Variants in KIRREL3 observed in about 807,000 individuals in gnomAD.
KIRREL3 encodes the protein kirre like nephrin family adhesion molecule 3, also known as kin of IRRE-like protein 3.
In KIRREL3, 36 loss-of-function variants were observed where a neutral mutation model predicts 89.7. The ratio of observed to expected loss-of-function variants is 0.40; its 90% CI spans 0.31 to 0.53. KIRREL3 has a LOEUF of 0.53. Ranked by LOEUF, KIRREL3 falls within the 20% of genes least tolerant of loss-of-function variation. KIRREL3 has a pLI of 0.49. For missense variants in KIRREL3, 864 were observed against 1,056.6 expected (o/e 0.82, Z 2.53); for synonymous variants, 445 against 441.4 (o/e 1.01, Z -0.10).
At chr11:126,450,932 TG>T (rs1363705031) in intron 7 of KIRREL3, among the ~76,000 whole-genome samples, 1 of 150,014 alleles carries the variant, frequency 6.7e-6, no homozygotes, top group Non-Finnish European at 1.5e-5. Context: ...CATGTGTGCA[TG>T]TGTGTGGGCG....
chr11:126,981,940 T>C lies in KIRREL3; in HGVS notation c.55+18515A>G, dbSNP rs777925058. On this transcript the variant is annotated intron_variant, in intron 1 of 16. Transcript: ENST00000525144. This position sits in a 1 kb window ranked among gnomAD's most constrained non-coding sequence, Gnocchi z 4.2. ...CTATTCAAGTCATTTCAATTTGAAT[T>C]CTATGCATATTATCAGATAGAACAA... Among the ~76,000 whole-genome samples the C allele has an allele frequency of 6.6e-6, 1 of 152,234 alleles. No individual in the cohort carries two copies. Among genetic ancestry groups the C allele is most frequent in the Non-Finnish European group, 1.5e-5 (1 of 68,048 alleles).
chr11:126,688,830 T>C (rs1565651499), intron 1 of KIRREL3, among the ~76,000 whole-genome samples: 1 of 152,170 alleles, frequency 6.6e-6, no homozygotes, highest in East Asian at 1.9e-4. Context: ...GATGACATGA[T>C]AGCTGTCACA....
At chr11:126,850,521 C>CCAAA (rs1224205644) in intron 1 of KIRREL3, among the ~76,000 whole-genome samples, 2 of 152,202 alleles carry the variant, frequency 1.3e-5, no homozygotes, top group African/African-American at 4.8e-5. Context: ...CCTCCTCTAT[C>CCAAA]CAAACTGCTG....
chr11:126,597,753 G>A (rs907202313), intron 1 of KIRREL3, among the ~76,000 whole-genome samples: 1 of 152,182 alleles, frequency 6.6e-6, no homozygotes, highest in African/African-American at 2.4e-5. Flanking sequence ...TGATAGCAAT[G>A]GGGCAGAATG....
At chr11:126,478,609 GTA>G (rs918878405) in intron 4 of KIRREL3, among the ~76,000 whole-genome samples, 7 of 145,248 alleles carry the variant, frequency 4.8e-5, no homozygotes, top group Admixed American at 7.5e-5. Flanking sequence ...GTATATGCAT[GTA>G]TATGTGTGTA....
At chr11:126,854,641 T>C (rs1944450340) in intron 1 of KIRREL3, among the ~76,000 whole-genome samples, 1 of 152,244 alleles carries the variant, frequency 6.6e-6, no homozygotes, top group Non-Finnish European at 1.5e-5. Context: ...ATGATCCGGT[T>C]GCTTCCACCA....
Position 126,424,776 on chromosome 11 carries a change from C to A in KIRREL3, c.2141G>T (p.Gly714Val), listed in dbSNP as rs752110259. 2 of 1,613,914 alleles carry A rather than the reference C, an allele frequency of 1.2e-6. No homozygotes were observed. Among genetic ancestry groups the A allele is most frequent in the African/African-American group, 2.7e-5 (2 of 74,942 alleles). Residue 714 changes from glycine to valine, a missense_variant, in exon 17 of 17, where the codon GGC (glycine) becomes GTC (valine). Coordinates refer to ENST00000525144, the MANE Select transcript of KIRREL3 (RefSeq NM_032531.4). ...GAAGGAGCTGCTGTCGCTGAGGGAG[C>A]CTCTCTGGAACTCCCGCTCACAAAG... ...IELCEREFQR[G>V]SLSDSSSFLD... is the part of the protein sequence containing the mutation.
rs966014523 is a variant in KIRREL3 at position 126,622,245 on chromosome 11, C to A, written c.56-59333G>T. Among the ~76,000 whole-genome samples the A allele has an allele frequency of 3.9e-5, 6 of 152,298 alleles. No homozygotes were observed. The highest frequency in any genetic ancestry group is 1.4e-4 in the African/African-American group (6 of 41,552). On this transcript the variant is annotated intron_variant, in intron 1 of 16. Coordinates refer to ENST00000525144, the MANE Select transcript of KIRREL3 (RefSeq NM_032531.4). This position sits in a 1 kb window ranked among gnomAD's most constrained non-coding sequence, Gnocchi z 5.2. ...GGTATTCTTAGAGAAAGTTGTTGCA[C>A]CTTTGGGTGCTGTTTTAATTACTTT...
In KIRREL3 at chr11:126,484,468, T is replaced by C. The variant is rs915133927; in HGVS notation, c.434-11002A>G. Among the ~76,000 whole-genome samples the C allele has an allele frequency of 6.6e-6, 1 of 152,252 alleles. No individual in the cohort carries two copies. The highest frequency in any genetic ancestry group is 1.5e-5 in the Non-Finnish European group (1 of 68,044). On this transcript the variant is annotated intron_variant, in intron 4 of 16. Coordinates refer to ENST00000525144, the MANE Select transcript of KIRREL3 (RefSeq NM_032531.4). The surrounding 1 kb of genome is among the most constrained non-coding windows in gnomAD (Gnocchi z 5.2). Reference sequence around the variant, plus strand: ...GTAGATACAATGACGATGCATATTTTGGAGGTGAGGAAACAGCCACAAAGT... The same window carrying C: ...GTAGATACAATGACGATGCATATTTCGGAGGTGAGGAAACAGCCACAAAGT...
chr11:126,469,355 G>A (rs1013218095), intron 5 of KIRREL3, among the ~76,000 whole-genome samples: 1 of 152,186 alleles, frequency 6.6e-6, no homozygotes, highest in Non-Finnish European at 1.5e-5. Context: ...TCCTCTCTGC[G>A]GCTGATGCTC....
chr11:126,450,295 ATG>A (rs951482446), intron 7 of KIRREL3, among the ~76,000 whole-genome samples: 8 of 143,934 alleles, frequency 5.6e-5, no homozygotes, highest in South Asian at 2.2e-4. Flanking sequence ...GCGTGTGTGC[ATG>A]TGTGAGTGTG....
At position 126,446,691 on chromosome 11, in the gene KIRREL3, A is replaced by C. The variant is rs1955828374; in HGVS notation, c.1125+68T>G. The C allele has an allele frequency of 3.3e-6, 5 of 1,493,806 alleles. No homozygotes were observed. In the South Asian group the frequency reaches 3.7e-5, roughly 11 times the overall value. The allele number at this position is 1,493,806 out of a possible 1,614,324, so 92.5% of individuals were successfully genotyped here. ...TAATAGTGAGAGGGGCCTGGGCAGCAGTTCCTTCTTGCTCCACTGTCCCCG... is the reference window on the plus strand; with the variant it reads ...TAATAGTGAGAGGGGCCTGGGCAGCCGTTCCTTCTTGCTCCACTGTCCCCG... On this transcript the variant is annotated intron_variant, in intron 9 of 16. Transcript: ENST00000525144.
chr11:126,503,182 T>C (rs1957916371), intron 4 of KIRREL3, among the ~76,000 whole-genome samples: 2 of 152,060 alleles, frequency 1.3e-5, no homozygotes, highest in Non-Finnish European at 2.9e-5. Context: ...TATGGTTTGG[T>C]GTGAAAAGGG....
intron 1 of KIRREL3, among the ~76,000 whole-genome samples, chr11:126,894,630 T>C (rs1946075972): frequency 1.4e-5 from 2 of 147,720 alleles, no homozygotes; most frequent in South Asian, 4.4e-4. Context: ...CATACACCTG[T>C]AGTCTCAGCT....
At position 126,643,204 on chromosome 11, in the gene KIRREL3, C is replaced by A. The variant is rs207472474; in HGVS notation, c.56-80292G>T. 1.3e-5 allele frequency among the ~76,000 whole-genome samples: 2 copies of A among 152,162 alleles called. No individual in the cohort carries two copies. Among genetic ancestry groups the A allele is most frequent in the Non-Finnish European group, 2.9e-5 (2 of 68,040 alleles). On this transcript the variant is annotated intron_variant, in intron 1 of 16. Transcript: ENST00000525144. The surrounding 1 kb of genome is among the most constrained non-coding windows in gnomAD (Gnocchi z 4.5). ...TCTATAACAAGAATATTAATGGTAT[C>A]TATTTCATAGGGTTAACATGGGAAT...
At chr11:126,856,822 T>C (rs557175584) in intron 1 of KIRREL3, among the ~76,000 whole-genome samples, 1 of 152,174 alleles carries the variant, frequency 6.6e-6, no homozygotes, top group Non-Finnish European at 1.5e-5. Context: ...CTCGATCTCC[T>C]GACCTCATGA....
chr11:126,710,901 A>T lies in KIRREL3; in HGVS notation c.56-147989T>A. On this transcript the variant is annotated intron_variant, in intron 1 of 16. Transcript: ENST00000525144. This position sits in a 1 kb window ranked among gnomAD's most constrained non-coding sequence, Gnocchi z 4.2. ...ATTAAACTTTAATTAATGTCTTGACAGTAGTCTCAACCTGATAGGCCTCTT... is the reference window on the plus strand; with the variant it reads ...ATTAAACTTTAATTAATGTCTTGACTGTAGTCTCAACCTGATAGGCCTCTT... Among the ~76,000 whole-genome samples, 1 of 152,342 alleles carries T rather than the reference A, an allele frequency of 6.6e-6. No individual in the cohort carries two copies. Among genetic ancestry groups the T allele is most frequent in the African/African-American group, 2.4e-5 (1 of 41,574 alleles).
chr11:126,499,761 C>T (rs12803395), intron 4 of KIRREL3, among the ~76,000 whole-genome samples: 38,896 of 152,186 alleles, frequency 0.26, 5,055 homozygotes, highest in Middle Eastern at 0.29. Context: ...TCGGTAGTTA[C>T]TGAAGTCTTG....
intron 1 of KIRREL3, among the ~76,000 whole-genome samples, chr11:126,882,146 C>A (rs752730631): frequency 2.0e-5 from 3 of 152,138 alleles, no homozygotes; most frequent in Non-Finnish European, 4.4e-5. Context: ...CTGACTCCTG[C>A]CCTCTTGACT....
Sources: gnomAD v4.1 joint callset for allele counts (sites outside exome capture counted in the v4.1 genomes callset) on GRCh38, gnomAD v4.1.1 for gene constraint, Gnocchi (gnomAD v3.1) non-coding constraint, MANE v1.5 for transcripts, NCBI Gene and HGNC (gene_info 2026-07-23, HGNC 2026-07-21) for gene names.